Variants in R3HCC1L observed in about 807,000 individuals in gnomAD.
The protein encoded by R3HCC1L is coiled-coil domain-containing protein R3HCC1L.
R3HCC1L carries 51 observed loss-of-function variants against 59.9 expected under a neutral mutation model. That is an observed-to-expected ratio of 0.85 (90% CI 0.68 to 1.07). The LOEUF (loss-of-function observed/expected upper bound fraction) is 1.07. Among genes scored for constraint, R3HCC1L ranks in the 50% least tolerant of loss-of-function variants. R3HCC1L has a pLI of 0.00. For missense variants in R3HCC1L, 965 were observed against 933.0 expected (o/e 1.03, Z -0.45); for synonymous variants, 322 against 315.2 (o/e 1.02, Z -0.23).
At position 98,209,626 on chromosome 10, in the gene R3HCC1L, C is replaced by T. The variant is rs1455670386; in HGVS notation, c.1512C>T (p.Ala504=). 15 of 1,613,822 alleles carry T rather than the reference C, an allele frequency of 9.3e-6. No individual in the cohort carries two copies. The highest frequency in any genetic ancestry group is 2.2e-5 in the East Asian group (1 of 44,876). The change falls in exon 5 of 10, where the codon GCC becomes GCT. Residue 504 remains alanine (A), a synonymous_variant. Coordinates refer to ENST00000298999, the MANE Select transcript of R3HCC1L (RefSeq NM_001351015.2). ...GGACAAAAGTTCTTTCAGACAGTGC[C>T]GTGGGCATTGACCTGGGTAGTACTG... ...LNGTKVLSDS[A]VGIDLGSTGD... is the part of the protein sequence containing the mutation.
In R3HCC1L at chr10:98,182,787, A is replaced by G. The variant is rs1849779501; in HGVS notation, c.-15+19390A>G. On this transcript the variant is annotated intron_variant, in intron 4 of 9. Transcript: ENST00000298999. ...AGCCAGGCTGCTGCCTCGCAGTTCG[A>G]TCTTGGACTGCTGTACTAGTGGTGA... is the stretch of plus-strand genomic sequence containing the variant. Among the ~76,000 whole-genome samples the G allele has an allele frequency of 3.9e-5, 6 of 152,088 alleles. No individual in the cohort carries two copies. In the South Asian group the frequency reaches 1.2e-3, roughly 31 times the overall value.
At chr10:98,137,505 C>A (rs1844714635) in intron 1 of R3HCC1L, among the ~76,000 whole-genome samples, 1 of 152,120 alleles carries the variant, frequency 6.6e-6, no homozygotes, top group South Asian at 2.1e-4. Flanking sequence ...CCTGAAATTC[C>A]ATTTATCTGT....
intron 1 of R3HCC1L, among the ~76,000 whole-genome samples, chr10:98,139,524 G>C (rs1844922830): frequency 6.6e-6 from 1 of 152,240 alleles, no homozygotes; most frequent in Admixed American, 6.5e-5. Flanking sequence ...GAGGAAATGT[G>C]CTCTTCGCTA....
chr10:98,220,967 A>G (rs1854859050), intron 5 of R3HCC1L, among the ~76,000 whole-genome samples: 1 of 145,208 alleles, frequency 6.9e-6, no homozygotes, highest in African/African-American at 2.5e-5. Context: ...GACTTCCACA[A>G]TGGTTGAACT....
chr10:98,230,677 A>C (rs1375402586), intron 5 of R3HCC1L, among the ~76,000 whole-genome samples: 1 of 152,040 alleles, frequency 6.6e-6, no homozygotes, highest in Non-Finnish European at 1.5e-5. Context: ...TTAGGGTGTC[A>C]ATTTTAGATC....
intron 4 of R3HCC1L, among the ~76,000 whole-genome samples, chr10:98,196,058 CAT>C (rs944927622): frequency 6.6e-6 from 1 of 152,138 alleles, no homozygotes; most frequent in Non-Finnish European, 1.5e-5. Flanking sequence ...GGTGCTTTGT[CAT>C]GTGGTGAATA....
At chr10:98,179,573 C>G (rs1472768050) in intron 4 of R3HCC1L, among the ~76,000 whole-genome samples, 3 of 152,066 alleles carry the variant, frequency 2.0e-5, no homozygotes, top group South Asian at 2.1e-4. Flanking sequence ...TGATGCTGGC[C>G]TCATAAAATG....
At chr10:98,153,566 C>CTGCCAAA (rs913996430) in intron 1 of R3HCC1L, among the ~76,000 whole-genome samples, 14 of 150,152 alleles carry the variant, frequency 9.3e-5, no homozygotes, top group African/African-American at 3.4e-4. Flanking sequence ...TCCTATGACC[C>CTGCCAAA]TGCCAAATCC....
At chr10:98,160,773 C>G (rs1210149816) in intron 2 of R3HCC1L, among the ~76,000 whole-genome samples, 1 of 152,158 alleles carries the variant, frequency 6.6e-6, no homozygotes, top group Non-Finnish European at 1.5e-5. Flanking sequence ...GTCACCCATT[C>G]CTTCTGTCCT....
rs1256354771 is a variant in R3HCC1L, at chr10:98,244,777, A to AG, written c.*625dup. 1.3e-5 allele frequency: 2 copies of AG among 152,356 alleles called. No individual in the cohort carries two copies. The highest frequency in any genetic ancestry group is 1.9e-4 in the East Asian group (1 of 5,202). The allele number at this position is 152,356 out of a possible 1,614,324, so 9.4% of individuals were successfully genotyped here. ...GGACCGCTCCAGCTGCACTGCAGCCAGGGGGGATACCAGCTTCATTCCTCA... is the reference window on the plus strand; with the variant it reads ...GGACCGCTCCAGCTGCACTGCAGCCAGGGGGGGATACCAGCTTCATTCCTCA... On this transcript the variant is annotated 3_prime_UTR_variant, in exon 10 of 10. Transcript: ENST00000298999.
intron 5 of R3HCC1L, among the ~76,000 whole-genome samples, chr10:98,211,019 G>T (rs1164399446): frequency 6.6e-6 from 1 of 152,134 alleles, no homozygotes; most frequent in Non-Finnish European, 1.5e-5. Flanking sequence ...GAATTTCCCT[G>T]TACCACAAAC....
At position 98,182,454 on chromosome 10, in the gene R3HCC1L, C is replaced by T. The variant is rs576028467; in HGVS notation, c.-15+19057C>T. Among the ~76,000 whole-genome samples, 5 of 152,274 alleles carry T rather than the reference C, an allele frequency of 3.3e-5. No individual in the cohort carries two copies. In the East Asian group the frequency reaches 9.7e-4, roughly 29 times the overall value. ...GGCTATATGAGGTGTCAGTCGGCCC[C>T]TCCTGGGAGGTGTCTCCCAGTTAGG... On this transcript the variant is annotated intron_variant, in intron 4 of 9. Transcript: ENST00000298999.
In R3HCC1L at chr10:98,186,449, T is replaced by C. The variant is rs184833239; in HGVS notation, c.-14-21652T>C. On this transcript the variant is annotated intron_variant, in intron 4 of 9. Transcript: ENST00000298999. ...CATTTAACTATATTTAATCATATAATTTCCTTGTTTTTTCCAGATGGTTTT... is the reference window on the plus strand; with the variant it reads ...CATTTAACTATATTTAATCATATAACTTCCTTGTTTTTTCCAGATGGTTTT... 4.2e-5 allele frequency: 37 copies of C among 880,590 alleles called. No homozygotes were observed. In the East Asian group the frequency reaches 4.2e-3, roughly 100 times the overall value. The allele number at this position is 880,590 out of a possible 1,614,324, so 54.5% of individuals were successfully genotyped here.
intron 1 of R3HCC1L, among the ~76,000 whole-genome samples, chr10:98,136,141 CTG>C (rs1844563696): frequency 6.6e-6 from 1 of 151,924 alleles, no homozygotes; most frequent in Admixed American, 6.6e-5. Context: ...GCGTTTGACA[CTG>C]TGCCCACTGT....
chr10:98,179,910 A>G (rs904355926), intron 4 of R3HCC1L, among the ~76,000 whole-genome samples: 2 of 152,110 alleles, frequency 1.3e-5, no homozygotes, highest in African/African-American at 4.8e-5. Context: ...TGGTGGTGAT[A>G]TCCCATTTAT....
chr10:98,170,126 A>G (rs1053493665), intron 4 of R3HCC1L, among the ~76,000 whole-genome samples: 1 of 152,116 alleles, frequency 6.6e-6, no homozygotes, highest in Admixed American at 6.5e-5. Context: ...TAACTTCCTG[A>G]TTAAACTTTG....
chr10:98,199,632 C>G (rs1384425193), intron 4 of R3HCC1L, among the ~76,000 whole-genome samples: 2 of 151,722 alleles, frequency 1.3e-5, no homozygotes, highest in East Asian at 3.9e-4. Flanking sequence ...TAGGAATATA[C>G]ACTTAAGAGA....
Position 98,194,643 on chromosome 10 carries a change from T to TA in R3HCC1L, c.-14-13452dup, listed in dbSNP as rs541585425. On this transcript the variant is annotated intron_variant, in intron 4 of 9. Coordinates refer to ENST00000298999, the MANE Select transcript of R3HCC1L (RefSeq NM_001351015.2). Reference sequence around the variant, plus strand: ...ACAACTCAGTAACAAATAATCTGAATAAAAAATGAGCAGAACCCAAATAAA... The same window carrying TA: ...ACAACTCAGTAACAAATAATCTGAATAAAAAAATGAGCAGAACCCAAATAAA... Among the ~76,000 whole-genome samples the TA allele has an allele frequency of 3.0e-4, 46 of 152,032 alleles. No homozygotes were observed. In the East Asian group the frequency reaches 6.8e-3, roughly 22 times the overall value.
rs988645797 is a variant in R3HCC1L at position 98,216,590 on chromosome 10, G to C, written c.1785+6691G>C. Reference sequence around the variant, plus strand: ...TTCGTCTGTTTTTTATGTGGTGGGGGTTGAGACAGTCTCACTTTGTTGCCC... The same window carrying C: ...TTCGTCTGTTTTTTATGTGGTGGGGCTTGAGACAGTCTCACTTTGTTGCCC... On this transcript the variant is annotated intron_variant, in intron 5 of 9. Transcript: ENST00000298999. 1.3e-4 allele frequency among the ~76,000 whole-genome samples: 20 copies of C among 152,138 alleles called. 1 individual carries two copies. The highest frequency in any genetic ancestry group is 5.2e-4 in the Admixed American group (8 of 15,278).
Sources: allele counts gnomAD v4.1 joint callset (sites outside exome capture counted in the v4.1 genomes callset), GRCh38; gene constraint gnomAD v4.1.1; transcripts MANE v1.5; gene names NCBI Gene and HGNC (gene_info 2026-07-23, HGNC 2026-07-21).